The following TENM4 variants were observed in gnomAD, a reference collection of about 807,000 sequenced individuals.
TENM4 encodes teneurin transmembrane protein 4.
A neutral mutation model predicts 243.3 loss-of-function variants in TENM4; 82 were observed. The observed-to-expected ratio is 0.34, with a 90% confidence interval of 0.28 to 0.40. The LOEUF is 0.40. Ranked by LOEUF, TENM4 falls within the 10% of genes least tolerant of loss-of-function variation. TENM4 has a pLI of 1.00. For synonymous variants in TENM4, 1,412 were observed against 1,456.3 expected (o/e 0.97, Z 0.69); for missense variants, 3,138 against 3,673.3 (o/e 0.85, Z 3.77).
Position 78,730,168 on chromosome 11 carries a change from G to T in TENM4, c.3139-525C>A, listed in dbSNP as rs149283830. Among the ~76,000 whole-genome samples the T allele has an allele frequency of 7.0e-3, 1,062 of 152,318 alleles. 7 individuals carry two copies. The highest frequency in any genetic ancestry group is 0.024 in the African/African-American group (1,002 of 41,564). Reference sequence around the variant, plus strand: ...CTGAGAAAGGTCACATAGGTAAAGTGCCTAGCACAGAAACGCTGTCAGGTG... The same window carrying T: ...CTGAGAAAGGTCACATAGGTAAAGTTCCTAGCACAGAAACGCTGTCAGGTG... On this transcript the variant is annotated intron_variant, in intron 21 of 33. Coordinates refer to ENST00000278550, the MANE Select transcript of TENM4 (RefSeq NM_001098816.3).
intron 12 of TENM4, among the ~76,000 whole-genome samples, chr11:78,853,304 G>A (rs1008151200): frequency 6.6e-6 from 1 of 152,108 alleles, no homozygotes; most frequent in African/African-American, 2.4e-5. Context: ...TTTCTGACCC[G>A]AACTGCCAAG....
intron 6 of TENM4, among the ~76,000 whole-genome samples, chr11:78,914,233 G>T (rs911768672): frequency 5.3e-5 from 8 of 152,120 alleles, no homozygotes; most frequent in African/African-American, 1.9e-4. Flanking sequence ...AATCTCCTGA[G>T]TCCCTTCCAG....
chr11:78,898,667 T>A (rs965042355), intron 7 of TENM4, among the ~76,000 whole-genome samples: 1 of 152,182 alleles, frequency 6.6e-6, no homozygotes, highest in Non-Finnish European at 1.5e-5. Context: ...AAGTCTCAGT[T>A]AAGTATACAT....
At chr11:79,115,541 G>C (rs1861600831) in intron 4 of TENM4, among the ~76,000 whole-genome samples, 1 of 152,070 alleles carries the variant, frequency 6.6e-6, no homozygotes, top group South Asian at 2.1e-4. Context: ...TCTCCTCCTG[G>C]GTTTTCACCC....
At position 78,654,075 on chromosome 11, in the gene TENM4, T is replaced by C. The variant is rs1433143773; in HGVS notation, c.*3983A>G. ...CTCCAGTAAAATATAGACAAGTGTATAAACCTAGCTGGGAATGATGTGCCT... is the reference window on the plus strand; with the variant it reads ...CTCCAGTAAAATATAGACAAGTGTACAAACCTAGCTGGGAATGATGTGCCT... On this transcript the variant is annotated 3_prime_UTR_variant, in exon 34 of 34. Transcript: ENST00000278550. 1 of 152,214 alleles carries C rather than the reference T, an allele frequency of 6.6e-6. No individual in the cohort carries two copies. Among genetic ancestry groups the C allele is most frequent in the African/African-American group, 2.4e-5 (1 of 41,458 alleles). The allele number at this position is 152,214 out of a possible 1,614,324, so 9.4% of individuals were successfully genotyped here.
At chr11:78,675,380 A>T (rs950781014) in intron 30 of TENM4, among the ~76,000 whole-genome samples, 14 of 152,230 alleles carry the variant, frequency 9.2e-5, no homozygotes, top group African/African-American at 3.4e-4. Context: ...GTTTCATCTC[A>T]GCAGGTATCT....
intron 1 of TENM4, among the ~76,000 whole-genome samples, chr11:79,334,498 A>T (rs1857115572): frequency 6.6e-6 from 1 of 151,888 alleles, no homozygotes; most frequent in South Asian, 2.1e-4. Context: ...TCCTGCAAAA[A>T]CCTTTCCATG....
Position 79,050,107 on chromosome 11 carries a change from G to A in TENM4, c.493+14631C>T, listed in dbSNP as rs1244762442. 2.0e-5 allele frequency among the ~76,000 whole-genome samples: 3 copies of A among 152,208 alleles called. No homozygotes were observed. In the East Asian group the frequency reaches 5.8e-4, roughly 29 times the overall value. ...TTAAAGCCAGGGTATGGGCTCAGGT[G>A]CCCTGGACTGGGGAGATGATGTCAT... On this transcript the variant is annotated intron_variant, in intron 6 of 33. Transcript: ENST00000278550.
Position 78,669,629 on chromosome 11 carries a change from T to G in TENM4, c.6716A>C (p.Tyr2239Ser). ...GNSARLTPLR[Y>S]DIRDRITRLG... is the part of the protein sequence containing the mutation. ...CCGAGTGATGCGGTCGCGGATGTCA[T>G]ACCGTAGTGGTGTGAGCCGTGCACT... The change falls in exon 32 of 34, where the codon TAT (tyrosine) becomes TCT (serine). Residue 2239 changes from tyrosine to serine, a missense_variant. By Grantham distance (144) the Tyr-to-Ser change is moderately radical. Transcript: ENST00000278550. The surrounding 1 kb of genome is among the most constrained non-coding windows in gnomAD (Gnocchi z 6.4). 1 of 1,614,000 alleles carries G rather than the reference T, an allele frequency of 6.2e-7. No individual in the cohort carries two copies. Among genetic ancestry groups the G allele is most frequent in the African/African-American group, 1.3e-5 (1 of 75,046 alleles).
intron 2 of TENM4, among the ~76,000 whole-genome samples, chr11:79,258,446 C>T (rs1016666875): frequency 1.3e-5 from 2 of 152,154 alleles, no homozygotes; most frequent in South Asian, 4.1e-4. Context: ...TAAGGCTGGC[C>T]CCCTTCAATA....
intron 1 of TENM4, among the ~76,000 whole-genome samples, chr11:79,437,354 A>G (rs536545987): frequency 2.6e-4 from 40 of 152,328 alleles, no homozygotes; most frequent in African/African-American, 9.1e-4. Context: ...TGAAAGCCCA[A>G]CTGCAGAGCG....
Position 78,729,612 on chromosome 11 carries a change from C to A in TENM4, c.3170G>T (p.Cys1057Phe), listed in dbSNP as rs779100178. 6.2e-7 allele frequency: 1 copy of A among 1,612,644 alleles called. No individual in the cohort carries two copies. Among genetic ancestry groups the A allele is most frequent in the Non-Finnish European group, 8.5e-7 (1 of 1,179,102 alleles). The change falls in exon 22 of 34, where the codon TGC becomes TTC. Residue 1057 changes from cysteine (C) to phenylalanine (F), a missense_variant. Cys to Phe is a radical substitution (Grantham distance 205, BLOSUM62 -2). Transcript: ENST00000278550. Reference sequence around the variant, plus strand: ...GCTCAGGTAGCTCAGCCTCATCTTGCAGCCAGAGATAGAGATTTCCTCCTG... The same window carrying A: ...GCTCAGGTAGCTCAGCCTCATCTTGAAGCCAGAGATAGAGATTTCCTCCTG... ...ALQEEISISG[C>F]KMRLSYLSSR...
intron 1 of TENM4, among the ~76,000 whole-genome samples, chr11:79,340,388 G>A (rs565029203): frequency 6.6e-6 from 1 of 152,152 alleles, no homozygotes; most frequent in East Asian, 1.9e-4. Flanking sequence ...AAAAAATGGA[G>A]ACAAATGTGA....
At chr11:79,432,703 A>C (rs1369506487) in intron 1 of TENM4, among the ~76,000 whole-genome samples, 7 of 152,198 alleles carry the variant, frequency 4.6e-5, no homozygotes, top group African/African-American at 1.2e-4. Flanking sequence ...TAATGATGCA[A>C]ATTTTTACAT....
chr11:79,389,811 T>A (rs1347183348), intron 1 of TENM4, among the ~76,000 whole-genome samples: 1 of 152,368 alleles, frequency 6.6e-6, no homozygotes, highest in Non-Finnish European at 1.5e-5. Context: ...ATATTTTGAA[T>A]GTCATCAATA....
rs558545031 is a variant in TENM4, at chr11:78,836,192, T to C, written c.1681+17912A>G. Among the ~76,000 whole-genome samples the C allele has an allele frequency of 1.2e-3, 184 of 149,978 alleles. 1 individual carries two copies. The highest frequency in any genetic ancestry group is 4.5e-3 in the African/African-American group (178 of 39,412). ...CACCAACATGGTGAAATCCTGTTTC[T>C]ACAAAAAATTAGCTGGGCGTGGTGG... On this transcript the variant is annotated intron_variant, in intron 12 of 33. Transcript: ENST00000278550.
chr11:78,944,839 C>T (rs1200054639), intron 6 of TENM4, among the ~76,000 whole-genome samples: 2 of 152,200 alleles, frequency 1.3e-5, no homozygotes, highest in East Asian at 3.9e-4. Context: ...ACCACTGAGG[C>T]TCAGAATGGA....
chr11:78,661,376 C>T (rs1858025815), intron 33 of TENM4, 73 bp downstream of exon 33: 3 of 1,539,066 alleles, frequency 1.9e-6, no homozygotes, highest in Non-Finnish European at 2.6e-6. Context: ...CCATGCTTTT[C>T]TGAAAAGCTG....
At chr11:79,214,187 G>A (rs1565253028) in intron 3 of TENM4, among the ~76,000 whole-genome samples, 1 of 152,008 alleles carries the variant, frequency 6.6e-6, no homozygotes, top group Non-Finnish European at 1.5e-5. Context: ...TAGAGATGGG[G>A]TTTTACCATG....
Sources: allele counts gnomAD v4.1 joint callset (sites outside exome capture counted in the v4.1 genomes callset), GRCh38; gene constraint gnomAD v4.1.1; non-coding constraint Gnocchi (gnomAD v3.1); transcripts MANE v1.5; gene names NCBI Gene and HGNC (gene_info 2026-07-23, HGNC 2026-07-21).